WNK1: variants seen among roughly 807,000 people sequenced by gnomAD.
WNK1 encodes the protein WNK lysine deficient protein kinase 1.
WNK1 carries 38 observed loss-of-function variants against 222.8 expected under a neutral mutation model. That is an observed-to-expected ratio of 0.17 (90% CI 0.13 to 0.22). The LOEUF (loss-of-function observed/expected upper bound fraction) is 0.22. WNK1 is among the 10% of genes least tolerant of loss of function. The pLI, the probability that WNK1 is intolerant of heterozygous loss-of-function variation, is 1.00. For missense variants in WNK1, 2,348 were observed against 2,918.4 expected, an observed-to-expected ratio of 0.80 and a Z score of 4.50; for synonymous variants, 1,090 against 1,092.9, an observed-to-expected ratio of 1.00 and a Z score of 0.05.
chr12:759,800 G>A (rs1034627402), intron 1 of WNK1, among the ~76,000 whole-genome samples: 2 of 147,802 alleles, frequency 1.4e-5, no homozygotes, highest in African/African-American at 2.4e-5. Flanking sequence ...AGCAAGTTTT[G>A]TGCTACAGTT....
In WNK1 at chr12:859,408, A is replaced by G; in HGVS notation, c.1564A>G (p.Ile522Val). 5 of 1,612,806 alleles carry G rather than the reference A, an allele frequency of 3.1e-6. No homozygotes were observed. Among genetic ancestry groups the G allele is most frequent in the Non-Finnish European group, 4.2e-6 (5 of 1,179,288 alleles). ...LKGKYKDNEA[I>V]EFSFDLERDV... Reference sequence around the variant, plus strand: ...GGGAAAATACAAAGATAATGAAGCTATTGAGTTTTCTTTTGATTTAGAGAG... The same window carrying G: ...GGGAAAATACAAAGATAATGAAGCTGTTGAGTTTTCTTTTGATTTAGAGAG... The change falls in exon 6 of 28, where the codon ATT becomes GTT. Residue 522 changes from isoleucine to valine, a missense_variant. Around this residue, in one of 13 missense-constraint regions of WNK1, gnomAD observed 37 missense variants for 102.8 expected, o/e 0.36. Coordinates refer to ENST00000315939, the MANE Select transcript of WNK1 (RefSeq NM_018979.4).
Position 896,626 on chromosome 12 carries a change from A to T in WNK1, c.6139A>T (p.Ser2047Cys). ...SSKSLPSQNL[S>C]QSLSNSFNSS... ...AAAGAGCCTTCCTAGCCAGAATCTA[A>T]GTCAAAGCCTTAGTAATTCATTTAA... The change falls in exon 24 of 28, where the codon AGT (serine) becomes TGT (cysteine). Residue 2047 changes from serine (S) to cysteine (C), a missense_variant. Ser to Cys is a moderately radical substitution (Grantham distance 112). This residue lies in a region of WNK1 where 1,144 missense variants were observed against 1,273.6 expected (regional missense o/e 0.90). Transcript: ENST00000315939. The T allele has an allele frequency of 6.2e-7, 1 of 1,607,656 alleles. No individual in the cohort carries two copies. Among genetic ancestry groups the T allele is most frequent in the Non-Finnish European group, 8.5e-7 (1 of 1,177,160 alleles).
chr12:896,382 C>G lies in WNK1; in HGVS notation c.5895C>G (p.Asp1965Glu). 1 of 1,614,114 alleles carries G rather than the reference C, an allele frequency of 6.2e-7. No individual in the cohort carries two copies. The highest frequency in any genetic ancestry group is 8.5e-7 in the Non-Finnish European group (1 of 1,180,024). The change falls in exon 24 of 28, where the codon GAC becomes GAG. Residue 1965 changes from aspartate to glutamate, a missense_variant. Coordinates refer to ENST00000315939, the MANE Select transcript of WNK1 (RefSeq NM_018979.4). ...GTTTCTCTGTATCAAAAACTGAGGA[C>G]AAGATCACTGACACAAAGAAAGAAG... ...VGRFSVSKTE[D>E]KITDTKKEGP...
intron 19 of WNK1, among the ~76,000 whole-genome samples, chr12:887,015 A>G (rs1953723763): frequency 1.3e-5 from 2 of 152,214 alleles, no homozygotes; most frequent in Non-Finnish European, 2.9e-5. Flanking sequence ...TTATAGGTAT[A>G]TCGTAGTAAC....
At chr12:754,452 T>C in intron 1 of WNK1, 128 bp downstream of exon 1, 1 of 1,143,808 alleles carries the variant, frequency 8.7e-7, no homozygotes, top group Non-Finnish European at 1.3e-6. Context: ...GGAGGCCAAC[T>C]TTTGAAAGGG....
chr12:821,042 GTTTTTTTTTTTTTTT>G (rs60880879), intron 2 of WNK1, among the ~76,000 whole-genome samples: 8 of 79,118 alleles, frequency 1.0e-4, no homozygotes, highest in Admixed American at 9.6e-4. Flanking sequence ...AGTTTCTTGA[GTTTTTTTTTTTTTTT>G]TTTTTTTTTT....
intron 14 of WNK1, 72 bp downstream of exon 14, chr12:882,145 C>G: frequency 1.4e-6 from 2 of 1,458,910 alleles, no homozygotes; most frequent in Admixed American, 3.9e-5. Context: ...TAGAGGTCAT[C>G]AAATCCAAAC....
rs139483364 is a variant in WNK1 at position 766,120 on chromosome 12, T to C, written c.759+11796T>C. Among the ~76,000 whole-genome samples the C allele has an allele frequency of 2.6e-5, 4 of 152,262 alleles. No individual in the cohort carries two copies. In the East Asian group the frequency reaches 7.7e-4, roughly 29 times the overall value. ...TAGGCTGGGGTGAGGGTTGAAAAATTACATATTGGATACAATGTTCACTAT... is the reference window on the plus strand; with the variant it reads ...TAGGCTGGGGTGAGGGTTGAAAAATCACATATTGGATACAATGTTCACTAT... On this transcript the variant is annotated intron_variant, in intron 1 of 27. Coordinates refer to ENST00000315939, the MANE Select transcript of WNK1 (RefSeq NM_018979.4).
chr12:907,049 G>C (rs1245599269), intron 26 of WNK1, among the ~76,000 whole-genome samples: 1 of 19,440 alleles, frequency 5.1e-5, no homozygotes, highest in African/African-American at 1.6e-4. Context: ...GCCGGGCGTG[G>C]TGGCTCACGT....
At chr12:866,088 G>T (rs1038678677) in intron 8 of WNK1, among the ~76,000 whole-genome samples, 2 of 151,962 alleles carry the variant, frequency 1.3e-5, no homozygotes, top group Admixed American at 1.3e-4. Context: ...TCCAAATAAA[G>T]AATATAGTTA....
chr12:818,019 G>A (rs572794266), intron 2 of WNK1, among the ~76,000 whole-genome samples: 5 of 152,144 alleles, frequency 3.3e-5, no homozygotes. Context: ...TTTTTAAATA[G>A]ACATGAAATT....
chr12:774,375 T>G (rs977837864), intron 1 of WNK1, among the ~76,000 whole-genome samples: 5 of 152,186 alleles, frequency 3.3e-5, no homozygotes, highest in African/African-American at 1.2e-4. Flanking sequence ...TTGAGTATAA[T>G]CCAACCAGAC....
chr12:901,642 G>T lies in WNK1; in HGVS notation c.6643+972G>T, dbSNP rs1194294887. 7 of 1,288,638 alleles carry T rather than the reference G, an allele frequency of 5.4e-6. No individual in the cohort carries two copies. The Admixed American group carries it at 1.6e-4, about 30-fold the overall frequency. 79.8% of individuals were successfully genotyped at this position (1,288,638 alleles called of 1,614,324 possible). On this transcript the variant is annotated intron_variant, in intron 26 of 27. Transcript: ENST00000315939. ...AGGACCCGATTTCTGAGTACGCCCTGCTTGGCTCTTTGTGTGTAACACCTT... is the reference window on the plus strand; with the variant it reads ...AGGACCCGATTTCTGAGTACGCCCTTCTTGGCTCTTTGTGTGTAACACCTT...
intron 7 of WNK1, 32 bp from the exon 8 acceptor site, chr12:862,051 C>T: frequency 6.2e-7 from 1 of 1,612,942 alleles, no homozygotes; most frequent in Non-Finnish European, 8.5e-7. Context: ...CTTTCTCTCT[C>T]TCTTTTTTTT....
chr12:908,455 CGTG>C lies in WNK1; in HGVS notation c.6832-14_6832-12del. On this transcript the variant is annotated splice_polypyrimidine_tract_variant and intron_variant, in intron 27 of 27. Transcript: ENST00000315939. ...ACCATGGCCCACACCAGACTTGACA[CGTG>C]GTGGTTTTGTTTTCAGGGCCCTGGA... is the stretch of plus-strand genomic sequence containing the variant. 1 of 1,613,816 alleles carries C rather than the reference CGTG, an allele frequency of 6.2e-7. No homozygotes were observed. Among genetic ancestry groups the C allele is most frequent in the Non-Finnish European group, 8.5e-7 (1 of 1,179,698 alleles).
At position 902,382 on chromosome 12, in the gene WNK1, A is replaced by AT. The variant is rs141402545; in HGVS notation, c.6643+1719dup. 8.8e-3 allele frequency among the ~76,000 whole-genome samples: 1,336 copies of AT among 152,052 alleles called. 27 individuals are homozygous for AT. The highest frequency in any genetic ancestry group is 0.03 in the African/African-American group (1,261 of 41,446). ...TGGCAGCAGGTAAAAATTATGTACC[A>AT]TTTTTTTCCATTCTTTGTCAGAGTA... On this transcript the variant is annotated intron_variant, in intron 26 of 27. Transcript: ENST00000315939.
intron 2 of WNK1, among the ~76,000 whole-genome samples, chr12:822,649 A>G (rs1031558374): frequency 2.0e-5 from 3 of 152,150 alleles, no homozygotes; most frequent in Non-Finnish European, 4.4e-5. Context: ...CTCTGATCCT[A>G]TACAGCCTCA....
chr12:881,100 T>C (rs1953115253), intron 12 of WNK1, 101 bp downstream of exon 12: 1 of 1,472,692 alleles, frequency 6.8e-7, no homozygotes, highest in Non-Finnish European at 9.3e-7. Context: ...TAGAACTTAT[T>C]TGGAGACCAT....
rs763523093 is a variant in WNK1 at position 884,096 on chromosome 12, CGTTT to C, written c.3722-12_3722-9del. 4.9e-5 allele frequency: 79 copies of C among 1,613,036 alleles called. No homozygotes were observed. Among genetic ancestry groups the C allele is most frequent in the African/African-American group, 5.3e-5 (4 of 74,844 alleles). On this transcript the variant is annotated intron_variant, in intron 17 of 27. Coordinates refer to ENST00000315939, the MANE Select transcript of WNK1 (RefSeq NM_018979.4). The surrounding 1 kb of genome is among the most constrained non-coding windows in gnomAD (Gnocchi z 5.6). The stretch of plus-strand genomic sequence containing the variant: ...TTATAATAATAATGCTATTAAGTTA[CGTTT>C]GTTTGTTTGTTTTTGACCAGGCATT...
Sources: allele counts gnomAD v4.1 joint callset (sites outside exome capture counted in the v4.1 genomes callset), GRCh38; gene constraint gnomAD v4.1.1; regional missense constraint gnomAD v4.1.1; non-coding constraint Gnocchi (gnomAD v3.1); transcripts MANE v1.5; gene names NCBI Gene and HGNC (gene_info 2026-07-23, HGNC 2026-07-21).